The following GALNT13 variants were observed in gnomAD, a reference collection of about 807,000 sequenced individuals.
GALNT13 encodes the protein UDP-GalNAc:polypeptide N-acetylgalactosaminyltransferase 13.
Under a neutral mutation model 64.2 loss-of-function variants are expected in GALNT13, and 28 were observed. The ratio of observed to expected loss-of-function variants is 0.44; its 90% CI spans 0.32 to 0.60. The LOEUF is 0.60. Ranked by LOEUF, GALNT13 falls within the 20% of genes least tolerant of loss-of-function variation. GALNT13 has a pLI of 0.05. For synonymous variants in GALNT13, 214 were observed against 224.6 expected (o/e 0.95, Z 0.42); for missense variants, 577 against 669.8 (o/e 0.86, Z 1.53).
intron 3 of GALNT13, among the ~76,000 whole-genome samples, chr2:154,092,461 G>A (rs1701864065): frequency 1.3e-5 from 2 of 151,944 alleles, no homozygotes; most frequent in South Asian, 4.1e-4. Context: ...GAATTTAAAA[G>A]CATCTACCCA....
At chr2:153,298,650 C>T in the GALNT13 span, among the ~76,000 whole-genome samples, 3 of 152,150 alleles carry the variant, frequency 2.0e-5, no homozygotes, top group East Asian at 5.8e-4. Context: ...AGAAAATTCA[C>T]TTTGAGCTGT....
intron 3 of GALNT13, among the ~76,000 whole-genome samples, chr2:154,111,408 C>T (rs1259371215): frequency 6.6e-6 from 1 of 152,204 alleles, no homozygotes; most frequent in Non-Finnish European, 1.5e-5. Flanking sequence ...AAACTGATTT[C>T]ATCTTGATAG....
chr2:153,500,171 G>A, the GALNT13 span, among the ~76,000 whole-genome samples: 1 of 152,128 alleles, frequency 6.6e-6, no homozygotes, highest in Non-Finnish European at 1.5e-5. Context: ...CATGTTTTGG[G>A]GAAAACAGCA....
the GALNT13 span, among the ~76,000 whole-genome samples, chr2:153,645,428 A>G: frequency 1.3e-5 from 2 of 152,104 alleles, no homozygotes; most frequent in African/African-American, 4.8e-5. Flanking sequence ...GTTTTTCTTT[A>G]ATGGCACTGT....
the GALNT13 span, among the ~76,000 whole-genome samples, chr2:153,854,732 T>C: frequency 1.3e-5 from 2 of 152,218 alleles, no homozygotes; most frequent in South Asian, 2.1e-4. Flanking sequence ...TTTAAAGATA[T>C]CAACTCTCCA....
intron 3 of GALNT13, among the ~76,000 whole-genome samples, chr2:154,092,381 G>T (rs1279695261): frequency 6.6e-6 from 1 of 152,008 alleles, no homozygotes; most frequent in Admixed American, 6.6e-5. Context: ...AAATGGCTCT[G>T]TCATTTTTGA....
chr2:153,717,765 C>G, the GALNT13 span, among the ~76,000 whole-genome samples: 14 of 152,208 alleles, frequency 9.2e-5, no homozygotes, highest in East Asian at 1.5e-3. Flanking sequence ...TTAAACCAAT[C>G]TAACAGTAGT....
At chr2:154,235,389 A>G (rs1689140699) in intron 4 of GALNT13, among the ~76,000 whole-genome samples, 1 of 152,122 alleles carries the variant, frequency 6.6e-6, no homozygotes, top group African/African-American at 2.4e-5. Context: ...TTAGTGCTTC[A>G]TTTTACTTCA....
intron 2 of GALNT13, among the ~76,000 whole-genome samples, chr2:153,904,987 C>T (rs1243617579): frequency 6.6e-6 from 1 of 151,828 alleles, no homozygotes; most frequent in Non-Finnish European, 1.5e-5. Flanking sequence ...TAGGAGCCAA[C>T]TTCTATTTAA....
chr2:153,377,542 G>A, the GALNT13 span, among the ~76,000 whole-genome samples: 1 of 152,004 alleles, frequency 6.6e-6, no homozygotes, highest in African/African-American at 2.4e-5. Flanking sequence ...TTAAAGCCTG[G>A]CAGCCCTCCT....
chr2:153,424,819 T>C, the GALNT13 span, among the ~76,000 whole-genome samples: 1 of 151,848 alleles, frequency 6.6e-6, no homozygotes, highest in Non-Finnish European at 1.5e-5. Context: ...GCACTGTTTG[T>C]AAAAGCAAAC....
chr2:154,447,278 C>T (rs1701640341), intron 12 of GALNT13, among the ~76,000 whole-genome samples: 1 of 151,808 alleles, frequency 6.6e-6, no homozygotes, highest in African/African-American at 2.4e-5. Context: ...TAAGCAAACA[C>T]ATTATTAAAG....
chr2:153,980,322 T>C lies in GALNT13; in HGVS notation c.142+35683T>C, dbSNP rs535953996. Reference sequence around the variant, plus strand: ...ATATGCACTAAAAAGGATTACTAATTGCTATGTGAAAAAATACGTTAGAGA... The same window carrying C: ...ATATGCACTAAAAAGGATTACTAATCGCTATGTGAAAAAATACGTTAGAGA... On this transcript the variant is annotated intron_variant, in intron 3 of 12. Transcript: ENST00000392825. 1.7e-4 allele frequency among the ~76,000 whole-genome samples: 26 copies of C among 152,218 alleles called. No individual in the cohort carries two copies. The South Asian group carries it at 5.4e-3, about 32-fold the overall frequency.
rs1355861462 is a variant in GALNT13 at position 154,047,850 on chromosome 2, A to C, written c.143-92487A>C. On this transcript the variant is annotated intron_variant, in intron 3 of 12. Coordinates refer to ENST00000392825, the MANE Select transcript of GALNT13 (RefSeq NM_052917.4). ...TATGTAGCATGTTTAGCATCTGTGGAGTTTAACAGCGTCTATAAAGTCTAC... is the reference window on the plus strand; with the variant it reads ...TATGTAGCATGTTTAGCATCTGTGGCGTTTAACAGCGTCTATAAAGTCTAC... 2.0e-5 allele frequency among the ~76,000 whole-genome samples: 3 copies of C among 152,132 alleles called. No individual in the cohort carries two copies. The East Asian group carries it at 5.8e-4, about 29-fold the overall frequency.
chr2:153,397,879 C>T, the GALNT13 span, among the ~76,000 whole-genome samples: 1 of 152,006 alleles, frequency 6.6e-6, no homozygotes, highest in South Asian at 2.1e-4. Flanking sequence ...CACTGACTTA[C>T]CTGAAAACTT....
chr2:153,746,892 T>C, the GALNT13 span, among the ~76,000 whole-genome samples: 6 of 152,280 alleles, frequency 3.9e-5, no homozygotes, highest in Non-Finnish European at 7.4e-5. Flanking sequence ...ATAATTTCTG[T>C]AAAAAATATT....
At chr2:153,929,429 C>T (rs2105353024) in intron 2 of GALNT13, among the ~76,000 whole-genome samples, 1 of 152,208 alleles carries the variant, frequency 6.6e-6, no homozygotes, top group African/African-American at 2.4e-5. Context: ...GTTTGGTGTG[C>T]AGATTATTTC....
the GALNT13 span, among the ~76,000 whole-genome samples, chr2:153,779,424 A>G: frequency 6.6e-6 from 1 of 152,138 alleles, no homozygotes; most frequent in Non-Finnish European, 1.5e-5. Context: ...CTCATTTTAC[A>G]ATGCACTGTT....
At chr2:153,710,087 T>A in the GALNT13 span, among the ~76,000 whole-genome samples, 1 of 152,064 alleles carries the variant, frequency 6.6e-6, no homozygotes, top group Non-Finnish European at 1.5e-5. Context: ...TATTTAATAA[T>A]AGTGTATTAT....
Sources: gnomAD v4.1 joint callset for allele counts (sites outside exome capture counted in the v4.1 genomes callset) on GRCh38, gnomAD v4.1.1 for gene constraint, MANE v1.5 for transcripts, NCBI Gene and HGNC (gene_info 2026-07-23, HGNC 2026-07-21) for gene names.